The following METTL8 variants were observed in gnomAD, a reference collection of about 807,000 sequenced individuals.
The protein encoded by METTL8 is tRNA N(3)-cytidine methyltransferase METTL8, mitochondrial.
A neutral mutation model predicts 48.7 loss-of-function variants in METTL8; 32 were observed. That is an observed-to-expected ratio of 0.66 (90% CI 0.50 to 0.88). METTL8 has a LOEUF of 0.88. Among genes scored for constraint, METTL8 ranks in the 40% least tolerant of loss-of-function variants. The pLI is 0.00. For missense variants in METTL8, 464 were observed against 474.4 expected, an observed-to-expected ratio of 0.98 and a Z score of 0.20; for synonymous variants, 136 against 157.1, an observed-to-expected ratio of 0.87 and a Z score of 1.01.
intron 9 of METTL8, 93 bp from the exon 10 acceptor site, chr2:171,324,455 A>T: frequency 9.1e-7 from 1 of 1,097,212 alleles, no homozygotes; most frequent in Non-Finnish European, 1.3e-6. Context: ...TGACCATCTA[A>T]ATTTCATTTA....
At chr2:171,397,588 G>A (rs2105582461) in intron 1 of METTL8, among the ~76,000 whole-genome samples, 1 of 148,878 alleles carries the variant, frequency 6.7e-6, no homozygotes, top group Admixed American at 6.7e-5. Flanking sequence ...GAGAGAGAGA[G>A]GGAAGGAGGG....
intron 1 of METTL8, among the ~76,000 whole-genome samples, chr2:171,418,033 T>A (rs1192912784): frequency 6.6e-6 from 1 of 152,114 alleles, no homozygotes; most frequent in Non-Finnish European, 1.5e-5. Flanking sequence ...AAGCTCCGCC[T>A]CCTGGGTTCA....
rs545671185 is a variant in METTL8, at chr2:171,408,527, C to A, written c.-12-16330G>T. 2.0e-5 allele frequency among the ~76,000 whole-genome samples: 3 copies of A among 152,126 alleles called. No individual in the cohort carries two copies. The South Asian group carries it at 6.3e-4, about 32-fold the overall frequency. ...GGTTGGTCTCAAACTCCCGATCTCA[C>A]GTGATCCACCCACCTCGGCCTCCCA... On this transcript the variant is annotated intron_variant, in intron 1 of 9. Transcript: ENST00000375258.
At chr2:171,434,607 C>T, upstream of METTL8, 8 of 1,528,346 alleles carry the variant, frequency 5.2e-6, no homozygotes, top group Non-Finnish European at 7.0e-6. Flanking sequence ...CCAACGTGTG[C>T]AGCCGGCTGA....
intron 3 of METTL8, among the ~76,000 whole-genome samples, chr2:171,359,791 T>C (rs1684974506): frequency 6.6e-6 from 1 of 152,140 alleles, no homozygotes; most frequent in South Asian, 2.1e-4. Flanking sequence ...TTTTGTTATT[T>C]TTAGTAGAGA....
chr2:171,386,562 G>C (rs1688068562), intron 2 of METTL8, among the ~76,000 whole-genome samples: 1 of 152,122 alleles, frequency 6.6e-6, no homozygotes, highest in South Asian at 2.1e-4. Context: ...TCAGGAGTGC[G>C]AGACCGGCCT....
intron 1 of METTL8, among the ~76,000 whole-genome samples, chr2:171,406,878 C>T (rs1248423012): frequency 7.3e-4 from 107 of 147,044 alleles, no homozygotes; most frequent in Non-Finnish European, 2.5e-4. Context: ...TTTTTTTTTT[C>T]AGTTATCGAG....
At chr2:171,348,677 G>A (rs921641278) in intron 3 of METTL8, among the ~76,000 whole-genome samples, 4 of 152,118 alleles carry the variant, frequency 2.6e-5, no homozygotes, top group Admixed American at 1.3e-4. Flanking sequence ...GAAGCTTCTG[G>A]ATTAATAGTA....
chr2:171,383,715 G>A (rs1018073675), intron 2 of METTL8, among the ~76,000 whole-genome samples: 22 of 152,216 alleles, frequency 1.4e-4, no homozygotes, highest in Admixed American at 1.3e-4. Flanking sequence ...CCAAGTAACT[G>A]TGTAAGTTGC....
intron 1 of METTL8, among the ~76,000 whole-genome samples, chr2:171,395,968 C>T (rs570875442): frequency 6.6e-6 from 1 of 152,246 alleles, no homozygotes; most frequent in South Asian, 2.1e-4. Flanking sequence ...AAACAAGTCT[C>T]AATAAATAGA....
intron 7 of METTL8, among the ~76,000 whole-genome samples, chr2:171,328,952 G>A (rs549404063): frequency 6.6e-6 from 1 of 151,574 alleles, no homozygotes; most frequent in Admixed American, 6.6e-5. Context: ...GCATCCCAAA[G>A]TGCTGGGATT....
intron 9 of METTL8, among the ~76,000 whole-genome samples, chr2:171,325,237 GCA>G (rs1209446185): frequency 6.6e-6 from 1 of 151,836 alleles, no homozygotes; most frequent in African/African-American, 2.4e-5. Flanking sequence ...CCAGGCTGGA[GCA>G]CAGTGGTCCA....
intron 1 of METTL8, among the ~76,000 whole-genome samples, chr2:171,425,270 A>T (rs1311202821): frequency 6.6e-6 from 1 of 152,192 alleles, no homozygotes; most frequent in East Asian, 1.9e-4. Flanking sequence ...CATATAATTC[A>T]GTAATTAAGT....
rs77801423 is a variant in METTL8 at position 171,368,129 on chromosome 2, A to T, written c.144-7616T>A. Among the ~76,000 whole-genome samples the T allele has an allele frequency of 4.8e-3, 737 of 152,342 alleles. 8 individuals carry two copies. Among genetic ancestry groups the T allele is most frequent in the African/African-American group, 0.017 (699 of 41,570 alleles). ...TTTACAAAAATGAAACAATTAAAAAATTTTCAATTTTGCTGATTGATGAAG... is the reference window on the plus strand; with the variant it reads ...TTTACAAAAATGAAACAATTAAAAATTTTTCAATTTTGCTGATTGATGAAG... On this transcript the variant is annotated intron_variant, in intron 2 of 9. Transcript: ENST00000375258.
At chr2:171,375,059 A>G (rs1686810804) in intron 2 of METTL8, 1 of 1,128,484 alleles carries the variant, frequency 8.9e-7, no homozygotes, top group Non-Finnish European at 1.3e-6. Context: ...CAACTCACAC[A>G]GTAATATAGC....
At chr2:171,373,741 T>C (rs2105508823) in intron 2 of METTL8, among the ~76,000 whole-genome samples, 1 of 152,348 alleles carries the variant, frequency 6.6e-6, no homozygotes, top group East Asian at 1.9e-4. Flanking sequence ...TAGGGAATCC[T>C]TTCCCCATTT....
chr2:171,386,943 C>T (rs1333077182), intron 2 of METTL8, among the ~76,000 whole-genome samples: 2 of 152,140 alleles, frequency 1.3e-5, no homozygotes, highest in East Asian at 3.9e-4. Flanking sequence ...CGACATTTGG[C>T]TAGGGCAGCC....
chr2:171,362,594 T>TAAAC (rs1685281966), intron 2 of METTL8, among the ~76,000 whole-genome samples: 1 of 150,846 alleles, frequency 6.6e-6, no homozygotes, highest in Non-Finnish European at 1.5e-5. Context: ...AATAAATAAA[T>TAAAC]AAATAAATCA....
chr2:171,377,149 G>T (rs1381987553), intron 2 of METTL8, among the ~76,000 whole-genome samples: 1 of 152,018 alleles, frequency 6.6e-6, no homozygotes, highest in Non-Finnish European at 1.5e-5. Context: ...CCACATAACA[G>T]AAGAATGAAA....
Sources: allele counts gnomAD v4.1 joint callset (sites outside exome capture counted in the v4.1 genomes callset), GRCh38; gene constraint gnomAD v4.1.1; transcripts MANE v1.5; gene names NCBI Gene and HGNC (gene_info 2026-07-23, HGNC 2026-07-21).